The following RNGTT variants were observed in gnomAD, a reference collection of about 807,000 sequenced individuals.
The protein encoded by RNGTT is mRNA-capping enzyme.
Under a neutral mutation model 79.3 loss-of-function variants are expected in RNGTT, and 33 were observed. That is an observed-to-expected ratio of 0.42 (90% CI 0.32 to 0.56). The LOEUF (loss-of-function observed/expected upper bound fraction) is 0.56. Among genes scored for constraint, RNGTT ranks in the 20% least tolerant of loss-of-function variants. The pLI, the probability that RNGTT is intolerant of heterozygous loss-of-function variation, is 0.17. For missense variants in RNGTT, 497 were observed against 739.1 expected (o/e 0.67, Z 3.80); for synonymous variants, 222 against 235.9 (o/e 0.94, Z 0.54).
intron 11 of RNGTT, among the ~76,000 whole-genome samples, 190 bp from the exon 12 acceptor site, chr6:88,801,822 GAC>G (rs56124919): frequency 0.2 from 25,110 of 122,832 alleles, 2,077 homozygotes; most frequent in Middle Eastern, 0.34. Context: ...CACACACACA[GAC>G]ACACACACAC....
intron 11 of RNGTT, among the ~76,000 whole-genome samples, chr6:88,811,278 T>C (rs1181066487): frequency 6.6e-6 from 1 of 152,190 alleles, no homozygotes; most frequent in Non-Finnish European, 1.5e-5. Context: ...CAGTAGACAT[T>C]ATATATCAAT....
intron 11 of RNGTT, among the ~76,000 whole-genome samples, chr6:88,826,009 G>C (rs1272181815): frequency 6.6e-6 from 1 of 152,158 alleles, no homozygotes; most frequent in African/African-American, 2.4e-5. Context: ...AGAAAATATA[G>C]AGTTCTTCCC....
intron 1 of RNGTT, among the ~76,000 whole-genome samples, chr6:88,951,883 A>T (rs957286509): frequency 9.2e-5 from 14 of 152,114 alleles, no homozygotes; most frequent in African/African-American, 3.1e-4. Flanking sequence ...TTCCAAATGA[A>T]ACTCATAATA....
chr6:88,695,175 T>C (rs1185641377), intron 13 of RNGTT, among the ~76,000 whole-genome samples: 1 of 151,944 alleles, frequency 6.6e-6, no homozygotes, highest in Non-Finnish European at 1.5e-5. Context: ...TGGATTTACA[T>C]CAAACTAAAA....
chr6:88,864,914 G>A (rs1216135214), intron 8 of RNGTT, among the ~76,000 whole-genome samples: 1 of 152,068 alleles, frequency 6.6e-6, no homozygotes, highest in African/African-American at 2.4e-5. Context: ...GGAGAACAGT[G>A]GTTGCCAGGG....
chr6:88,698,588 G>A (rs1234161125), intron 13 of RNGTT, among the ~76,000 whole-genome samples: 1 of 151,424 alleles, frequency 6.6e-6, no homozygotes, highest in African/African-American at 2.4e-5. Flanking sequence ...AATAATTTCA[G>A]CTATTACAAT....
At chr6:88,759,455 T>A (rs1430086077) in intron 13 of RNGTT, among the ~76,000 whole-genome samples, 1 of 152,228 alleles carries the variant, frequency 6.6e-6, no homozygotes, top group Non-Finnish European at 1.5e-5. Context: ...TGCCTCTGCT[T>A]ATAGGTCCTG....
At chr6:88,761,092 G>C (rs1179510127) in intron 13 of RNGTT, among the ~76,000 whole-genome samples, 4 of 150,862 alleles carry the variant, frequency 2.7e-5, no homozygotes, top group African/African-American at 9.8e-5. Flanking sequence ...TTTTCCGATA[G>C]GAAGTAAAGG....
At position 88,656,410 on chromosome 6, in the gene RNGTT, AAAC is replaced by A. The variant is rs531880088; in HGVS notation, c.1506+21940_1506+21942del. On this transcript the variant is annotated intron_variant, in intron 14 of 15. Transcript: ENST00000369485. ...TTTTATGTAGCTTATATTTTAGGAT[AAAC>A]AAGAGGATAATCAAGCATGTTTAAA... is the stretch of plus-strand genomic sequence containing the variant. 2.1e-3 allele frequency among the ~76,000 whole-genome samples: 323 copies of A among 152,340 alleles called. 1 individual carries two copies. Among genetic ancestry groups the A allele is most frequent in the African/African-American group, 7.2e-3 (298 of 41,570 alleles).
At chr6:88,906,305 A>C in intron 5 of RNGTT, 60 bp downstream of exon 5, 1 of 1,139,328 alleles carries the variant, frequency 8.8e-7, no homozygotes, top group Non-Finnish European at 1.3e-6. Context: ...TCTGCAACTA[A>C]AATATCAATA....
Position 88,610,747 on chromosome 6 carries a change from G to T in RNGTT, c.*1972C>A, listed in dbSNP as rs1325126571. 1 of 152,204 alleles carries T rather than the reference G, an allele frequency of 6.6e-6. No individual in the cohort carries two copies. Among genetic ancestry groups the T allele is most frequent in the African/African-American group, 2.4e-5 (1 of 41,448 alleles). 9.4% of individuals were successfully genotyped at this position (152,204 alleles called of 1,614,324 possible). A position where few individuals can be genotyped will look rare whatever the true frequency, so the allele number is the denominator to read the frequency against. On this transcript the variant is annotated 3_prime_UTR_variant, in exon 16 of 16. Coordinates refer to ENST00000369485, the MANE Select transcript of RNGTT (RefSeq NM_003800.5). ...AAATATCTGGGTGTATTAAAAGTGAGATGCTCTTTTCACGTAACTCATTTG... is the reference window on the plus strand; with the variant it reads ...AAATATCTGGGTGTATTAAAAGTGATATGCTCTTTTCACGTAACTCATTTG...
rs1772034317 is a variant in RNGTT at position 88,611,739 on chromosome 6, C to T, written c.*980G>A. On this transcript the variant is annotated 3_prime_UTR_variant, in exon 16 of 16. Coordinates refer to ENST00000369485, the MANE Select transcript of RNGTT (RefSeq NM_003800.5). Reference sequence around the variant, plus strand: ...CATTTTCTGGTGACAGCATTCTATTCCATGACATTACCTTCTAATCAAAGA... The same window carrying T: ...CATTTTCTGGTGACAGCATTCTATTTCATGACATTACCTTCTAATCAAAGA... The T allele has an allele frequency of 6.6e-6, 1 of 152,648 alleles. No individual in the cohort carries two copies. Among genetic ancestry groups the T allele is most frequent in the African/African-American group, 2.4e-5 (1 of 41,456 alleles). The allele number at this position is 152,648 out of a possible 1,614,324, so 9.5% of individuals were successfully genotyped here. A position where few individuals can be genotyped will look rare whatever the true frequency, so the allele number is the denominator to read the frequency against.
intron 1 of RNGTT, among the ~76,000 whole-genome samples, chr6:88,953,779 C>A (rs998628165): frequency 1.3e-5 from 2 of 152,198 alleles, no homozygotes; most frequent in African/African-American, 4.8e-5. Context: ...GATTTCTCAG[C>A]AGAAACCTTA....
intron 10 of RNGTT, among the ~76,000 whole-genome samples, chr6:88,847,323 C>T (rs991404888): frequency 3.3e-5 from 5 of 150,326 alleles, no homozygotes; most frequent in Non-Finnish European, 7.4e-5. Context: ...ATGTACTTGA[C>T]ATATAAAAGA....
chr6:88,623,242 G>A (rs565012034), intron 14 of RNGTT, among the ~76,000 whole-genome samples: 1 of 152,188 alleles, frequency 6.6e-6, no homozygotes, highest in Admixed American at 6.6e-5. Flanking sequence ...AAGCTACAAA[G>A]GCAATGCAAT....
chr6:88,776,207 T>C (rs946948777), intron 12 of RNGTT, among the ~76,000 whole-genome samples: 1 of 152,228 alleles, frequency 6.6e-6, no homozygotes, highest in African/African-American at 2.4e-5. Context: ...GTATGTTATC[T>C]TGTATTTTCG....
At chr6:88,869,205 T>A (rs539975431) in intron 8 of RNGTT, among the ~76,000 whole-genome samples, 1 of 152,198 alleles carries the variant, frequency 6.6e-6, no homozygotes, top group Non-Finnish European at 1.5e-5. Context: ...ATTTCTCCAT[T>A]TACTGGTATC....
chr6:88,940,118 T>C (rs543887509), intron 2 of RNGTT, among the ~76,000 whole-genome samples: 16 of 150,582 alleles, frequency 1.1e-4, no homozygotes, highest in African/African-American at 1.7e-4. Context: ...CTCTGTTGCC[T>C]GGGTTGGAGT....
At chr6:88,630,419 C>T (rs1430727428) in intron 14 of RNGTT, among the ~76,000 whole-genome samples, 1 of 152,168 alleles carries the variant, frequency 6.6e-6, no homozygotes, top group African/African-American at 2.4e-5. Context: ...ATCCTACCAT[C>T]TAATTGGTGC....
Sources: gnomAD v4.1 joint callset for allele counts (sites outside exome capture counted in the v4.1 genomes callset) on GRCh38, gnomAD v4.1.1 for gene constraint, MANE v1.5 for transcripts, NCBI Gene and HGNC (gene_info 2026-07-23, HGNC 2026-07-21) for gene names.